Variants in PRKCQ observed in about 807,000 individuals in gnomAD.
The protein encoded by PRKCQ is protein kinase C theta type.
A neutral mutation model predicts 91.2 loss-of-function variants in PRKCQ; 41 were observed. The observed-to-expected ratio is 0.45, with a 90% confidence interval of 0.35 to 0.58. The LOEUF is 0.58. PRKCQ is among the 20% of genes least tolerant of loss of function. The pLI, the probability that PRKCQ is intolerant of heterozygous loss-of-function variation, is 0.00. For synonymous variants in PRKCQ, 307 were observed against 316.9 expected (o/e 0.97, Z 0.33); for missense variants, 673 against 896.5 (o/e 0.75, Z 3.18).
At chr10:6,515,330 C>T in intron 1 of PRKCQ, 186 bp from the exon 2 acceptor site, 27 of 1,490,596 alleles carry the variant, frequency 1.8e-5, no homozygotes, top group Non-Finnish European at 2.3e-5. Context: ...CCCAAAACCA[C>T]ACACTGACTT....
intron 2 of PRKCQ, among the ~76,000 whole-genome samples, chr10:6,512,737 T>A (rs922234416): frequency 4.6e-5 from 7 of 152,342 alleles, no homozygotes; most frequent in Middle Eastern, 3.4e-3. Context: ...TAGCATTTGT[T>A]AAATTAATAT....
chr10:6,483,427 T>A lies in PRKCQ; in HGVS notation c.1179+13A>T. On this transcript the variant is annotated intron_variant, in intron 11 of 17. Transcript: ENST00000263125. ...GGAGTTGGGCCATAGCATTCTCCCG[T>A]GCATTAGCTTACCTTGCCAAAACTT... 1 of 1,614,164 alleles carries A rather than the reference T, an allele frequency of 6.2e-7. No homozygotes were observed. The highest frequency in any genetic ancestry group is 1.1e-5 in the South Asian group (1 of 91,078).
In PRKCQ at chr10:6,544,626, CTT is replaced by C. The variant is rs542982533; in HGVS notation, c.-9-29484_-9-29483del. Reference sequence around the variant, plus strand: ...GCAGTTGGAGATCCTACCCCACACTCTTTTTTTTTTTTTTTGAGGAGTCTCTT... The same window carrying C: ...GCAGTTGGAGATCCTACCCCACACTCTTTTTTTTTTTTTGAGGAGTCTCTT... On this transcript the variant is annotated intron_variant, in intron 1 of 17. Transcript: ENST00000263125. Among the ~76,000 whole-genome samples the C allele has an allele frequency of 2.7e-3, 388 of 141,494 alleles. 1 individual carries two copies. The highest frequency in any genetic ancestry group is 9.1e-3 in the African/African-American group (351 of 38,738). The allele number at this position is 141,494 out of a possible 152,430, so 92.8% of individuals were successfully genotyped here. A position where few individuals can be genotyped will look rare whatever the true frequency, so the allele number is the denominator to read the frequency against.
chr10:6,476,370 C>A (rs1189236635), intron 12 of PRKCQ, among the ~76,000 whole-genome samples: 9 of 149,246 alleles, frequency 6.0e-5, no homozygotes, highest in Admixed American at 4.0e-4. Flanking sequence ...TGCCTAAGTG[C>A]CCAGAAGCCC....
At chr10:6,508,792 A>T (rs1324445625) in intron 3 of PRKCQ, among the ~76,000 whole-genome samples, 1 of 152,158 alleles carries the variant, frequency 6.6e-6, no homozygotes, top group Admixed American at 6.5e-5. Context: ...AAGAAATTAA[A>T]CCAATTAGCT....
At chr10:6,426,893 G>A (rs916413251), downstream of PRKCQ, among the ~76,000 whole-genome samples, 7 of 152,158 alleles carry the variant, frequency 4.6e-5, no homozygotes, top group African/African-American at 1.2e-4. Context: ...CCGCCACCAC[G>A]CCTGGCTAAT....
intron 15 of PRKCQ, among the ~76,000 whole-genome samples, chr10:6,453,828 A>G (rs1834848030): frequency 2.6e-5 from 4 of 151,792 alleles, no homozygotes; most frequent in Admixed American, 2.6e-4. Flanking sequence ...AGGACAAAAA[A>G]CCAAACACCG....
intron 15 of PRKCQ, among the ~76,000 whole-genome samples, chr10:6,444,353 G>A (rs1289009639): frequency 6.6e-6 from 1 of 151,852 alleles, no homozygotes; most frequent in East Asian, 1.9e-4. Context: ...AACCGCACCT[G>A]GCACTATTTT....
chr10:6,443,532 T>A (rs766635505), intron 15 of PRKCQ, among the ~76,000 whole-genome samples: 1 of 152,130 alleles, frequency 6.6e-6, no homozygotes, highest in Non-Finnish European at 1.5e-5. Context: ...GAAAACATGA[T>A]GTTGAGTGAA....
chr10:6,575,157 A>G (rs1841182828), intron 1 of PRKCQ, among the ~76,000 whole-genome samples: 2 of 152,222 alleles, frequency 1.3e-5, no homozygotes, highest in South Asian at 2.1e-4. Context: ...ACAAAATAGT[A>G]CAAATATCTC....
chr10:6,395,054 G>GTTTTTTTTTTTTTTTTTTTTTTTTTTTTT, the PRKCQ span, among the ~76,000 whole-genome samples: 1 of 129,952 alleles, frequency 7.7e-6, no homozygotes, highest in Non-Finnish European at 1.6e-5. Flanking sequence ...GGAAGCTGGA[G>GTTTTTTTTTTTTTTTTTTTTTTTTTTTTT]TCTTTTTTTT....
chr10:6,517,559 C>CAGAAAAAAATG (rs1218637878), intron 1 of PRKCQ, among the ~76,000 whole-genome samples: 1 of 134,664 alleles, frequency 7.4e-6, no homozygotes, highest in Non-Finnish European at 1.6e-5. Flanking sequence ...TTCTACATGC[C>CAGAAAAAAATG]AGAAAAAAAT....
intron 1 of PRKCQ, among the ~76,000 whole-genome samples, chr10:6,569,196 C>A (rs995133349): frequency 2.6e-5 from 4 of 152,036 alleles, no homozygotes; most frequent in South Asian, 4.1e-4. Context: ...GCTAGAAGTG[C>A]AACAAAAAGA....
intron 15 of PRKCQ, among the ~76,000 whole-genome samples, chr10:6,445,760 T>C (rs192184303): frequency 6.6e-6 from 1 of 152,354 alleles, no homozygotes; most frequent in Admixed American, 6.5e-5. Flanking sequence ...TAAGGAATCA[T>C]CTGAAGGTAG....
chr10:6,445,877 G>A (rs892245876), intron 15 of PRKCQ, among the ~76,000 whole-genome samples: 2 of 152,220 alleles, frequency 1.3e-5, no homozygotes, highest in African/African-American at 2.4e-5. Context: ...ACAAGGCGGC[G>A]TCAAAGCAAC....
intron 1 of PRKCQ, among the ~76,000 whole-genome samples, chr10:6,564,594 A>G (rs1840768262): frequency 6.6e-6 from 1 of 152,122 alleles, no homozygotes; most frequent in Non-Finnish European, 1.5e-5. Flanking sequence ...GGGCCATATA[A>G]GGGAGTGACC....
chr10:6,495,508 G>A (rs185564683), intron 7 of PRKCQ, among the ~76,000 whole-genome samples: 129 of 152,280 alleles, frequency 8.5e-4, no homozygotes, highest in Non-Finnish European at 1.5e-3. Context: ...GGAGATTCCC[G>A]GACCACAGAG....
chr10:6,535,111 C>G (rs1310399123), intron 1 of PRKCQ, among the ~76,000 whole-genome samples: 2 of 152,182 alleles, frequency 1.3e-5, no homozygotes, highest in African/African-American at 2.4e-5. Context: ...TAACCTGGCT[C>G]ACTTCTGCTG....
downstream of PRKCQ, among the ~76,000 whole-genome samples, chr10:6,425,209 C>T (rs1833086263): frequency 6.6e-6 from 1 of 150,418 alleles, no homozygotes; most frequent in African/African-American, 2.4e-5. Context: ...CTCCCTGGGC[C>T]TCAGGTCTCT....
Sources: allele counts gnomAD v4.1 joint callset (sites outside exome capture counted in the v4.1 genomes callset), GRCh38; gene constraint gnomAD v4.1.1; transcripts MANE v1.5; gene names NCBI Gene and HGNC (gene_info 2026-07-23, HGNC 2026-07-21).